Variants in SAMD5 observed in about 807,000 individuals in gnomAD.
The protein encoded by SAMD5 is sterile alpha motif domain containing 5, also known as sterile alpha motif domain-containing protein 5.
In SAMD5, 13 loss-of-function variants were observed where a neutral mutation model predicts 11.3. The observed-to-expected ratio is 1.15, with a 90% CI of 0.75 to 1.83. The LOEUF (loss-of-function observed/expected upper bound fraction) is 1.83. SAMD5 is among the 40% of genes most tolerant of loss of function. The probability of loss-of-function intolerance (pLI) is 0.00; values close to 1 mark genes in which losing one functional copy is unlikely to be tolerated. For missense variants in SAMD5, 255 were observed against 239.1 expected (o/e 1.07, Z -0.44); for synonymous variants, 129 against 111.3 (o/e 1.16, Z -1.00).
chr6:147,620,069 C>A (rs1191592472), intron 1 of SAMD5, among the ~76,000 whole-genome samples: 2 of 152,142 alleles, frequency 1.3e-5, no homozygotes, highest in Non-Finnish European at 2.9e-5. Flanking sequence ...GTCCCCGGAG[C>A]CACGTGTAGC....
At chr6:147,835,592 A>G in the SAMD5 span, among the ~76,000 whole-genome samples, 18 of 152,166 alleles carry the variant, frequency 1.2e-4, no homozygotes, top group Non-Finnish European at 2.2e-4. Flanking sequence ...CTTTCCTGCC[A>G]TGCCATTTCT....
chr6:147,701,221 C>A (rs1245709514), intron 1 of SAMD5, among the ~76,000 whole-genome samples: 3 of 152,118 alleles, frequency 2.0e-5, no homozygotes, highest in African/African-American at 7.2e-5. Context: ...TAGATATTTG[C>A]AAGCACTGTA....
chr6:147,919,432 C>T, the SAMD5 span, among the ~76,000 whole-genome samples: 3 of 152,092 alleles, frequency 2.0e-5, no homozygotes, highest in South Asian at 6.2e-4. Context: ...TGGGGCCTGG[C>T]AGAAACAAAC....
At chr6:147,708,508 G>A (rs978953077) in intron 1 of SAMD5, among the ~76,000 whole-genome samples, 4 of 152,196 alleles carry the variant, frequency 2.6e-5, no homozygotes, top group African/African-American at 9.7e-5. Flanking sequence ...CAGACACTGT[G>A]AAGAGCTTAT....
the SAMD5 span, among the ~76,000 whole-genome samples, chr6:147,889,986 T>C: frequency 2.0e-5 from 3 of 152,184 alleles, no homozygotes; most frequent in Non-Finnish European, 2.9e-5. Flanking sequence ...GCTGCCAGGC[T>C]CTGCCTAGGA....
In SAMD5 at chr6:147,583,612, A is replaced by G. The variant is rs528641222; in HGVS notation, c.162+74225A>G. 3.3e-5 allele frequency among the ~76,000 whole-genome samples: 5 copies of G among 152,276 alleles called. No individual in the cohort carries two copies. In the South Asian group the frequency reaches 1.0e-3, roughly 32 times the overall value. On this transcript the variant is annotated intron_variant, in intron 1 of 1. Transcript: ENST00000566741. ...TTAAATTACATAGATAACTACTTGG[A>G]AGATAGATCTAGAAGGTTACAGGTA...
the SAMD5 span, among the ~76,000 whole-genome samples, chr6:147,772,078 T>C: frequency 2.8e-4 from 42 of 152,348 alleles, no homozygotes; most frequent in African/African-American, 9.9e-4. Flanking sequence ...TCAGTTGTCA[T>C]AGTTCTCCTT....
At chr6:147,624,810 A>C (rs1180409857) in intron 1 of SAMD5, among the ~76,000 whole-genome samples, 1 of 152,102 alleles carries the variant, frequency 6.6e-6, no homozygotes, top group African/African-American at 2.4e-5. Context: ...ACATCTCACA[A>C]ATCACCACTA....
chr6:147,749,937 AATTGTTGTCATTCAGACTT>A, the SAMD5 span, among the ~76,000 whole-genome samples: 3 of 152,218 alleles, frequency 2.0e-5, no homozygotes, highest in Non-Finnish European at 2.9e-5. Context: ...TCACTGTACA[AATTGTTGTCATTCAGACTT>A]TTGATAAATT....
At chr6:147,847,961 A>C in the SAMD5 span, among the ~76,000 whole-genome samples, 1 of 152,204 alleles carries the variant, frequency 6.6e-6, no homozygotes, top group Non-Finnish European at 1.5e-5. Flanking sequence ...ATTTTTGCAG[A>C]ATCTCTATAA....
chr6:147,810,869 G>A, the SAMD5 span, among the ~76,000 whole-genome samples: 61 of 152,242 alleles, frequency 4.0e-4, 1 homozygote, highest in African/African-American at 1.2e-3. Flanking sequence ...TGGGTGTTGT[G>A]TATAAAATAC....
At chr6:147,612,166 A>G (rs950906441) in intron 1 of SAMD5, among the ~76,000 whole-genome samples, 9 of 152,118 alleles carry the variant, frequency 5.9e-5, no homozygotes, top group African/African-American at 2.2e-4. Context: ...CCTAACCCTT[A>G]ACTCTAACCC....
chr6:147,757,204 A>G, the SAMD5 span, among the ~76,000 whole-genome samples: 1 of 152,224 alleles, frequency 6.6e-6, no homozygotes. Flanking sequence ...CACTTTGCAT[A>G]AACATGCAGT....
At chr6:147,741,043 A>G (rs964550019), downstream of SAMD5, among the ~76,000 whole-genome samples, 6 of 152,204 alleles carry the variant, frequency 3.9e-5, no homozygotes, top group African/African-American at 2.4e-5. Flanking sequence ...ACATTCAAGT[A>G]TTCACCATGG....
chr6:147,815,185 ACT>A, the SAMD5 span, among the ~76,000 whole-genome samples: 1 of 152,122 alleles, frequency 6.6e-6, no homozygotes, highest in Non-Finnish European at 1.5e-5. Context: ...GAGCTCAGTG[ACT>A]CTGATCACAC....
In SAMD5 at chr6:147,564,472, C is replaced by A. The variant is rs372956753; in HGVS notation, c.*16C>A. ...GAGCCGCTAGATATCATTTTTGAGA[C>A]CTCGTGGAGGACTGATGAGGTGCCT... On this transcript the variant is annotated 3_prime_UTR_variant, in exon 2 of 2. Transcript: ENST00000367474. 2.3e-5 allele frequency: 18 copies of A among 788,222 alleles called. No individual in the cohort carries two copies. The African/African-American group carries it at 2.5e-4, about 11-fold the overall frequency. 48.8% of individuals were successfully genotyped at this position (788,222 alleles called of 1,614,324 possible).
chr6:147,540,299 C>T (rs560692583), intron 1 of SAMD5, among the ~76,000 whole-genome samples: 9 of 152,234 alleles, frequency 5.9e-5, no homozygotes, highest in East Asian at 5.8e-4. Context: ...GCTACTGAGT[C>T]GGAGAGCAGT....
At chr6:147,909,576 CTT>C in the SAMD5 span, among the ~76,000 whole-genome samples, 1 of 56,580 alleles carries the variant, frequency 1.8e-5, no homozygotes, top group East Asian at 5.7e-4. Context: ...TTCTTTCTTT[CTT>C]TCTTTCTTTC....
chr6:147,758,345 AACAG>A, the SAMD5 span, among the ~76,000 whole-genome samples: 1 of 152,248 alleles, frequency 6.6e-6, no homozygotes, highest in East Asian at 1.9e-4. Context: ...CCTTAATAGA[AACAG>A]ACAATCAAAC....
Sources: gnomAD v4.1 joint callset for allele counts (sites outside exome capture counted in the v4.1 genomes callset) on GRCh38, gnomAD v4.1.1 for gene constraint, MANE v1.5 for transcripts, NCBI Gene and HGNC (gene_info 2026-07-23, HGNC 2026-07-21) for gene names.